Variants in THSD7B observed in about 807,000 individuals in gnomAD.
The protein encoded by THSD7B is thrombospondin type 1 domain containing 7B.
Under a neutral mutation model 213.6 loss-of-function variants are expected in THSD7B, and 138 were observed. That is an observed-to-expected ratio of 0.65 (90% CI 0.56 to 0.74). The LOEUF is 0.74. Among genes scored for constraint, THSD7B ranks in the 30% least tolerant of loss-of-function variants. The pLI, the probability that THSD7B is intolerant of heterozygous loss-of-function variation, is 0.00. For synonymous variants in THSD7B, 742 were observed against 687.0 expected, an observed-to-expected ratio of 1.08 and a Z score of -1.25; for missense variants, 1,931 against 1,991.5, an observed-to-expected ratio of 0.97 and a Z score of 0.58.
rs369950540 is a variant in THSD7B at position 137,170,938 on chromosome 2, G to A, written c.1723G>A (p.Gly575Arg). ...GAAGGCCGTCTGCCAGAATGACCGC[G>A]GTATGACCCAGTGACCCACTAGAGG... Reference protein sequence around the residue: ...ILKAVCQNDRGEDVSGSLCPV... With the variant: ...ILKAVCQNDRREDVSGSLCPV... The change falls in exon 7 of 28, where the codon GGA (glycine) becomes AGA (arginine). Residue 575 changes from glycine (G) to arginine (R), a missense_variant and splice_region_variant. Coordinates refer to ENST00000409968, the MANE Select transcript of THSD7B (RefSeq NM_001316349.2). 6 of 1,611,906 alleles carry A rather than the reference G, an allele frequency of 3.7e-6. No individual in the cohort carries two copies. Among genetic ancestry groups the A allele is most frequent in the Non-Finnish European group, 5.1e-6 (6 of 1,179,604 alleles).
chr2:136,965,010 CAAAA>C (rs70975732), intron 2 of THSD7B, among the ~76,000 whole-genome samples: 21 of 118,034 alleles, frequency 1.8e-4, no homozygotes, highest in Non-Finnish European at 1.7e-4. Flanking sequence ...GACCCTGTCT[CAAAA>C]AAAAAAAAAA....
At chr2:137,412,502 C>T (rs1027394816) in intron 14 of THSD7B, among the ~76,000 whole-genome samples, 2 of 103,918 alleles carry the variant, frequency 1.9e-5, no homozygotes, top group South Asian at 3.8e-4. Context: ...CGGGAGGCTG[C>T]GGCAGAATTG....
intron 2 of THSD7B, among the ~76,000 whole-genome samples, chr2:136,904,136 T>C (rs1382081520): frequency 6.6e-6 from 1 of 152,122 alleles, no homozygotes; most frequent in Non-Finnish European, 1.5e-5. Context: ...TTTAATTAAA[T>C]AATATTCAGT....
chr2:136,925,995 G>A (rs1684515441), intron 2 of THSD7B, among the ~76,000 whole-genome samples: 1 of 152,118 alleles, frequency 6.6e-6, no homozygotes, highest in South Asian at 2.1e-4. Flanking sequence ...ATATAGAAAT[G>A]TTGGGCAGAA....
chr2:137,064,793 T>G (rs1687345599), intron 3 of THSD7B, among the ~76,000 whole-genome samples: 1 of 152,098 alleles, frequency 6.6e-6, no homozygotes, highest in South Asian at 2.1e-4. Context: ...TCTTGATACC[T>G]TTGTCAAAAA....
chr2:137,063,001 A>C (rs1249170301), intron 3 of THSD7B, among the ~76,000 whole-genome samples: 1 of 151,878 alleles, frequency 6.6e-6, no homozygotes, highest in African/African-American at 2.4e-5. Context: ...AATACATATT[A>C]ATGACTGCTA....
chr2:136,875,503 A>G (rs1683513139), intron 1 of THSD7B, among the ~76,000 whole-genome samples: 2 of 152,236 alleles, frequency 1.3e-5, no homozygotes, highest in African/African-American at 4.8e-5. Context: ...TTTTAGGAGT[A>G]AAAGTCCAAA....
At chr2:137,658,225 C>G (rs570291507) in intron 24 of THSD7B, among the ~76,000 whole-genome samples, 31 of 152,240 alleles carry the variant, frequency 2.0e-4, no homozygotes, top group African/African-American at 6.7e-4. Flanking sequence ...CTTTAAGCTA[C>G]TTATCTTTTT....
At position 136,877,967 on chromosome 2, in the gene THSD7B, A is replaced by T. The variant is rs567892384; in HGVS notation, c.-35-4177A>T. Among the ~76,000 whole-genome samples the T allele has an allele frequency of 2.0e-5, 3 of 152,086 alleles. No homozygotes were observed. The East Asian group carries it at 5.8e-4, about 29-fold the overall frequency. ...TTAAGTTTTAGGGTACATGTGCACA[A>T]TGTGCAGGTTTGTTACATATGTATA... On this transcript the variant is annotated intron_variant, in intron 1 of 27. Coordinates refer to ENST00000409968, the MANE Select transcript of THSD7B (RefSeq NM_001316349.2).
chr2:136,778,768 TGAA>T (rs1681660775), intron 1 of THSD7B, among the ~76,000 whole-genome samples: 1 of 152,044 alleles, frequency 6.6e-6, no homozygotes, highest in Non-Finnish European at 1.5e-5. Context: ...GAGAATGAAA[TGAA>T]GAAATGTTAG....
chr2:137,434,162 A>G (rs1406124490), intron 14 of THSD7B, among the ~76,000 whole-genome samples: 1 of 152,208 alleles, frequency 6.6e-6, no homozygotes, highest in Non-Finnish European at 1.5e-5. Context: ...GCACTGATAC[A>G]TTAATCAACA....
At chr2:136,868,126 A>G (rs1044903993) in intron 1 of THSD7B, among the ~76,000 whole-genome samples, 2 of 151,620 alleles carry the variant, frequency 1.3e-5, no homozygotes, top group Admixed American at 6.6e-5. Context: ...GCGCGCACAC[A>G]CACACACACA....
At chr2:136,771,398 G>T (rs1681501955) in intron 1 of THSD7B, among the ~76,000 whole-genome samples, 1 of 152,124 alleles carries the variant, frequency 6.6e-6, no homozygotes, top group Non-Finnish European at 1.5e-5. Context: ...CTTAAATTAT[G>T]CTTATTTCTT....
chr2:136,829,886 T>A (rs1195332002), intron 1 of THSD7B, among the ~76,000 whole-genome samples: 2 of 152,230 alleles, frequency 1.3e-5, no homozygotes, highest in African/African-American at 4.8e-5. Context: ...TAATTATACA[T>A]TAAAACATGC....
intron 12 of THSD7B, among the ~76,000 whole-genome samples, chr2:137,329,998 G>T (rs185536821): frequency 3.9e-5 from 6 of 152,198 alleles, no homozygotes; most frequent in African/African-American, 1.2e-4. Context: ...CTCCAGGCAT[G>T]GCTAAAAGGG....
At chr2:137,210,402 G>A (rs1339018606) in intron 7 of THSD7B, among the ~76,000 whole-genome samples, 2 of 151,970 alleles carry the variant, frequency 1.3e-5, no homozygotes, top group African/African-American at 4.8e-5. Context: ...GAGATATATG[G>A]GGAAAAGAAG....
At chr2:137,370,491 CAG>C (rs1309629506) in intron 12 of THSD7B, among the ~76,000 whole-genome samples, 5 of 152,102 alleles carry the variant, frequency 3.3e-5, no homozygotes, top group Non-Finnish European at 5.9e-5. Context: ...TTGTTTTAGA[CAG>C]AGTCTCACTC....
At chr2:137,473,927 G>A (rs1160794077) in intron 15 of THSD7B, among the ~76,000 whole-genome samples, 2 of 152,188 alleles carry the variant, frequency 1.3e-5, no homozygotes, top group African/African-American at 4.8e-5. Context: ...GAAAGTGGGT[G>A]AGGAGGGGAT....
Position 137,033,495 on chromosome 2 carries a change from G to A in THSD7B, c.140-22925G>A, listed in dbSNP as rs116428265. Among the ~76,000 whole-genome samples, 682 of 152,334 alleles carry A rather than the reference G, an allele frequency of 4.5e-3. 1 individual carries two copies. Among genetic ancestry groups the A allele is most frequent in the Non-Finnish European group, 7.4e-3 (503 of 68,036 alleles). ...ATTGTCAGCCCAGTTTCAGGGGATGGAGAAGTAGACTCCACTTCCTGATGG... is the reference window on the plus strand; with the variant it reads ...ATTGTCAGCCCAGTTTCAGGGGATGAAGAAGTAGACTCCACTTCCTGATGG... On this transcript the variant is annotated intron_variant, in intron 2 of 27. Transcript: ENST00000409968.
Sources: allele counts gnomAD v4.1 joint callset (sites outside exome capture counted in the v4.1 genomes callset), GRCh38; gene constraint gnomAD v4.1.1; transcripts MANE v1.5; gene names NCBI Gene and HGNC (gene_info 2026-07-23, HGNC 2026-07-21).